The following FMN1 variants were observed in gnomAD, a reference collection of about 807,000 sequenced individuals.
The protein encoded by FMN1 is formin 1, also known as formin-1.
Under a neutral mutation model 132.4 loss-of-function variants are expected in FMN1, and 110 were observed. The observed-to-expected ratio is 0.83, with a 90% CI of 0.71 to 0.97. FMN1 has a LOEUF of 0.97. FMN1 is among the 50% of genes least tolerant of loss of function. The pLI is 0.00. For synonymous variants in FMN1, 722 were observed against 651.7 expected (o/e 1.11, Z -1.64); for missense variants, 1,792 against 1,705.3 (o/e 1.05, Z -0.90).
intron 17 of FMN1, among the ~76,000 whole-genome samples, chr15:32,835,718 A>G (rs573904017): frequency 1.3e-5 from 2 of 152,314 alleles, no homozygotes; most frequent in South Asian, 4.1e-4. Flanking sequence ...TGGGACACAG[A>G]CAAGGAAGAT....
intron 4 of FMN1, among the ~76,000 whole-genome samples, chr15:33,107,838 T>C (rs990748338): frequency 2.5e-4 from 38 of 152,240 alleles, no homozygotes; most frequent in African/African-American, 8.7e-4. Flanking sequence ...GGTGGTACTA[T>C]GATGATCCCT....
intron 6 of FMN1, among the ~76,000 whole-genome samples, chr15:33,058,057 T>G (rs1278227140): frequency 1.4e-5 from 2 of 145,644 alleles, no homozygotes; most frequent in Admixed American, 6.8e-5. Flanking sequence ...TGGAAAGGTG[T>G]GGTGGGGCTG....
chr15:32,838,821 C>T (rs552206264), intron 17 of FMN1, among the ~76,000 whole-genome samples: 1 of 152,304 alleles, frequency 6.6e-6, no homozygotes, highest in South Asian at 2.1e-4. Context: ...AACGCTTGAA[C>T]AATAGGATTG....
At chr15:33,121,478 T>C (rs1274608793) in intron 4 of FMN1, among the ~76,000 whole-genome samples, 2 of 152,174 alleles carry the variant, frequency 1.3e-5, no homozygotes, top group African/African-American at 4.8e-5. Flanking sequence ...GTAGAAATCA[T>C]TTGTCTATTA....
At chr15:33,185,544 T>C (rs1046837182) in intron 2 of FMN1, among the ~76,000 whole-genome samples, 3 of 150,866 alleles carry the variant, frequency 2.0e-5, no homozygotes, top group African/African-American at 4.9e-5. Flanking sequence ...AAATTTGTAG[T>C]AATTTTTTTT....
At chr15:32,858,882 G>C (rs1485596993) in intron 16 of FMN1, among the ~76,000 whole-genome samples, 1 of 152,116 alleles carries the variant, frequency 6.6e-6, no homozygotes, top group African/African-American at 2.4e-5. Context: ...GAAATAGATG[G>C]ATCTGTGGCC....
At chr15:33,095,504 C>T (rs2604168) in intron 4 of FMN1, among the ~76,000 whole-genome samples, 22,384 of 152,150 alleles carry the variant, frequency 0.15, 1,768 homozygotes, top group Middle Eastern at 0.22. Flanking sequence ...CAGCAATCCT[C>T]CTGCCTCGGC....
intron 4 of FMN1, among the ~76,000 whole-genome samples, chr15:33,093,073 C>G (rs1347868724): frequency 6.6e-6 from 1 of 152,246 alleles, no homozygotes; most frequent in African/African-American, 2.4e-5. Flanking sequence ...ACCAGCAGAT[C>G]TGGACAAAAG....
intron 6 of FMN1, among the ~76,000 whole-genome samples, chr15:33,047,589 G>C (rs1464918127): frequency 3.3e-5 from 5 of 152,164 alleles, no homozygotes; most frequent in Admixed American, 1.3e-4. Context: ...GAAATTAAAA[G>C]CAAATAGATC....
chr15:32,766,137 ATACT>A lies in FMN1; in HGVS notation c.*8169_*8172del, dbSNP rs766101928. On this transcript the variant is annotated 3_prime_UTR_variant, in exon 21 of 21. Coordinates refer to ENST00000616417, the MANE Select transcript of FMN1 (RefSeq NM_001277313.2). ...CAGATTATATCTACAGACTGGTCTA[ATACT>A]TAATTAAACAGAAAAGCCTATGTTT... 6 of 151,898 alleles carry A rather than the reference ATACT, an allele frequency of 4.0e-5. No individual in the cohort carries two copies. The highest frequency in any genetic ancestry group is 8.8e-5 in the Non-Finnish European group (6 of 68,040). The allele number at this position is 151,898 out of a possible 1,614,324, so 9.4% of individuals were successfully genotyped here.
chr15:32,982,285 T>G (rs955094566), intron 7 of FMN1, among the ~76,000 whole-genome samples: 4 of 152,112 alleles, frequency 2.6e-5, no homozygotes, highest in African/African-American at 7.2e-5. Context: ...AGTGAGAATG[T>G]GGAACAACTA....
At chr15:33,080,328 G>A (rs2038401028) in intron 5 of FMN1, among the ~76,000 whole-genome samples, 1 of 152,208 alleles carries the variant, frequency 6.6e-6, no homozygotes, top group East Asian at 1.9e-4. Flanking sequence ...TGGAAGGACT[G>A]AAATCTGCTG....
intron 6 of FMN1, among the ~76,000 whole-genome samples, chr15:33,026,347 T>C: frequency 6.7e-6 from 1 of 150,032 alleles, no homozygotes; most frequent in East Asian, 2.0e-4. Flanking sequence ...CTCTACTTTA[T>C]TCTATTTGTT....
chr15:33,067,786 G>C (rs995326156), intron 5 of FMN1: 2 of 1,613,980 alleles, frequency 1.2e-6, no homozygotes, highest in Admixed American at 1.7e-5. Flanking sequence ...ATTTCATAGA[G>C]AACTTACTCA....
intron 7 of FMN1, among the ~76,000 whole-genome samples, chr15:32,978,385 T>C (rs1020002228): frequency 9.2e-5 from 14 of 152,322 alleles, no homozygotes; most frequent in African/African-American, 2.9e-4. Context: ...TAATATTTTA[T>C]TTCTAAATTA....
chr15:33,153,612 C>T lies in FMN1; in HGVS notation c.1303G>A (p.Glu435Lys), dbSNP rs1335608390. 6.5e-7 allele frequency: 1 copy of T among 1,536,258 alleles called. No individual in the cohort carries two copies. Among genetic ancestry groups the T allele is most frequent in the Non-Finnish European group, 8.7e-7 (1 of 1,146,898 alleles). ...IESEKLDEAP[E>K]GKRLGFPVHT... ...ACAGGGAAGCCCAGTCTTTTCCCCTCAGGGGCTTCATCTAACTTCTCACTC... is the reference window on the plus strand; with the variant it reads ...ACAGGGAAGCCCAGTCTTTTCCCCTTAGGGGCTTCATCTAACTTCTCACTC... Residue 435 changes from glutamate (E) to lysine (K), a missense_variant, in exon 4 of 21, where the codon GAG becomes AAG. Glu to Lys is a moderately conservative substitution (Grantham distance 56, BLOSUM62 1). Transcript: ENST00000616417.
intron 6 of FMN1, among the ~76,000 whole-genome samples, chr15:33,031,974 AAATC>A (rs140211312): frequency 0.49 from 73,960 of 151,730 alleles, 18,455 homozygotes; most frequent in Middle Eastern, 0.53. Flanking sequence ...TGTTGTCTAA[AAATC>A]AATAAATGTA....
intron 5 of FMN1, among the ~76,000 whole-genome samples, chr15:33,084,103 AGAAAT>A (rs2038596500): frequency 6.6e-6 from 1 of 152,174 alleles, no homozygotes; most frequent in South Asian, 2.1e-4. Context: ...CATACAATTA[AGAAAT>A]AACTACAGGT....
intron 9 of FMN1, among the ~76,000 whole-genome samples, chr15:32,952,507 T>G (rs1041566611): frequency 6.6e-6 from 1 of 152,170 alleles, no homozygotes; most frequent in Non-Finnish European, 1.5e-5. Flanking sequence ...ACACCCAAGG[T>G]GAAGGCTCCA....
Sources: gnomAD v4.1 joint callset for allele counts (sites outside exome capture counted in the v4.1 genomes callset) on GRCh38, gnomAD v4.1.1 for gene constraint, MANE v1.5 for transcripts, NCBI Gene and HGNC (gene_info 2026-07-23, HGNC 2026-07-21) for gene names.